LRRC8C: variants seen among roughly 807,000 people sequenced by gnomAD.
LRRC8C encodes leucine rich repeat containing 8 VRAC subunit C.
In LRRC8C, 20 loss-of-function variants were observed where a neutral mutation model predicts 55.3. That is an observed-to-expected ratio of 0.36 (90% CI 0.25 to 0.53). The LOEUF (loss-of-function observed/expected upper bound fraction) is 0.53. LRRC8C is among the 20% of genes least tolerant of loss of function. The probability of loss-of-function intolerance (pLI) is 0.92; values close to 1 mark genes in which losing one functional copy is unlikely to be tolerated. For missense variants in LRRC8C, 659 were observed against 951.4 expected, an observed-to-expected ratio of 0.69 and a Z score of 4.04; for synonymous variants, 376 against 360.7, an observed-to-expected ratio of 1.04 and a Z score of -0.48.
intron 1 of LRRC8C, among the ~76,000 whole-genome samples, chr1:89,677,370 A>T (rs985451207): frequency 3.9e-5 from 6 of 152,236 alleles, no homozygotes; most frequent in Admixed American, 3.9e-4. Context: ...CTATCATTTT[A>T]TGATGCTATG....
At chr1:89,637,196 C>T (rs565441087) in intron 1 of LRRC8C, among the ~76,000 whole-genome samples, 24 of 152,002 alleles carry the variant, frequency 1.6e-4, no homozygotes, top group Non-Finnish European at 3.2e-4. Context: ...ATAGTAACCT[C>T]ATTAGGTTGC....
chr1:89,658,852 G>A (rs935906460), intron 1 of LRRC8C, among the ~76,000 whole-genome samples: 2 of 152,110 alleles, frequency 1.3e-5, no homozygotes, highest in African/African-American at 2.4e-5. Flanking sequence ...GTTTATAAGC[G>A]CCTGACCAAG....
intron 2 of LRRC8C, among the ~76,000 whole-genome samples, chr1:89,708,194 C>T (rs562270714): frequency 6.6e-6 from 1 of 151,878 alleles, no homozygotes; most frequent in African/African-American, 2.4e-5. Context: ...TGAGAGTTGT[C>T]CTTGAAAGAA....
intron 1 of LRRC8C, among the ~76,000 whole-genome samples, chr1:89,646,031 A>G (rs1161371898): frequency 6.6e-6 from 1 of 151,864 alleles, no homozygotes; most frequent in Non-Finnish European, 1.5e-5. Flanking sequence ...AACTTTTAAT[A>G]TTAATCATCT....
At chr1:89,665,653 A>T (rs1046398783) in intron 1 of LRRC8C, among the ~76,000 whole-genome samples, 9 of 152,340 alleles carry the variant, frequency 5.9e-5, no homozygotes, top group African/African-American at 2.2e-4. Flanking sequence ...AAGTTTAAAA[A>T]GCAAAAAAGT....
intron 1 of LRRC8C, chr1:89,676,477 T>G (rs185083177): frequency 1.9e-3 from 294 of 152,356 alleles, no homozygotes; most frequent in African/African-American, 6.5e-3. Flanking sequence ...AGCTATTTGG[T>G]AATAGTCTCT....
In LRRC8C at chr1:89,714,234, A is replaced by G. The variant is rs1447411204; in HGVS notation, c.1664A>G (p.Lys555Arg). 1.2e-6 allele frequency: 2 copies of G among 1,613,994 alleles called. No individual in the cohort carries two copies. The highest frequency in any genetic ancestry group is 1.7e-6 in the Non-Finnish European group (2 of 1,180,018). The change falls in exon 3 of 3, where the codon AAA becomes AGA. Residue 555 changes from lysine to arginine, a missense_variant. Physicochemically the swap from Lys to Arg is conservative, Grantham distance 26. Coordinates refer to ENST00000370454, the MANE Select transcript of LRRC8C (RefSeq NM_032270.5). This position sits in a 1 kb window ranked among gnomAD's most constrained non-coding sequence, Gnocchi z 4.6. ...CTCTCTATCAAAAGCAACGTTTCCA[A>G]AATCCCTCAGGCAGTGGTTGATGTT... ...KILSIKSNVSKIPQAVVDVSS... is the reference protein window; with the variant it reads ...KILSIKSNVSRIPQAVVDVSS...
chr1:89,696,654 GGGA>G (rs1337960539), intron 2 of LRRC8C, among the ~76,000 whole-genome samples: 3 of 152,118 alleles, frequency 2.0e-5, no homozygotes, highest in African/African-American at 7.2e-5. Flanking sequence ...TAAGGAAAAA[GGGA>G]GACTTCCAAA....
chr1:89,692,353 T>A (rs920535058), intron 2 of LRRC8C, among the ~76,000 whole-genome samples: 4 of 152,322 alleles, frequency 2.6e-5, no homozygotes, highest in Middle Eastern at 3.4e-3. Flanking sequence ...AAAATAGTAA[T>A]CCAACAGCTT....
At chr1:89,705,509 T>C (rs886729263) in intron 2 of LRRC8C, among the ~76,000 whole-genome samples, 6 of 152,116 alleles carry the variant, frequency 3.9e-5, no homozygotes, top group Non-Finnish European at 7.3e-5. Context: ...CCGGGTGCAG[T>C]GGCTCATGCC....
At chr1:89,652,175 T>C (rs1478472917) in intron 1 of LRRC8C, among the ~76,000 whole-genome samples, 1 of 152,074 alleles carries the variant, frequency 6.6e-6, no homozygotes, top group Non-Finnish European at 1.5e-5. Context: ...AGATACACAA[T>C]GAAATATGAA....
At chr1:89,626,212 C>T in the LRRC8C span, 1 of 152,268 alleles carries the variant, frequency 6.6e-6, no homozygotes, top group East Asian at 1.9e-4. Context: ...CCTGACAATA[C>T]AAAACTTTTT....
At chr1:89,701,512 A>G (rs1396744496) in intron 2 of LRRC8C, among the ~76,000 whole-genome samples, 1 of 151,886 alleles carries the variant, frequency 6.6e-6, no homozygotes, top group Non-Finnish European at 1.5e-5. Context: ...GAAAAAGAAC[A>G]ATGGACTTTA....
intron 1 of LRRC8C, among the ~76,000 whole-genome samples, chr1:89,645,242 T>C (rs1656577516): frequency 6.6e-6 from 1 of 151,942 alleles, no homozygotes; most frequent in Admixed American, 6.6e-5. Flanking sequence ...AAAAATCCAC[T>C]GGATGAGCTT....
rs767000338 is a variant in LRRC8C at position 89,713,385 on chromosome 1, A to G, written c.815A>G (p.Lys272Arg). The change falls in exon 3 of 3, where the codon AAA becomes AGA. Residue 272 changes from lysine to arginine, a missense_variant. By Grantham distance (26) the Lys-to-Arg change is conservative. Transcript: ENST00000370454. This position sits in a 1 kb window ranked among gnomAD's most constrained non-coding sequence, Gnocchi z 5.2. Reference sequence around the variant, plus strand: ...CGCCAGACTGTACTTAAAGTTATCAAATTCCTAATCATCATTGCATATAAT... The same window carrying G: ...CGCCAGACTGTACTTAAAGTTATCAGATTCCTAATCATCATTGCATATAAT... ...YVRQTVLKVI[K>R]FLIIIAYNSA... The G allele has an allele frequency of 6.2e-7, 1 of 1,614,240 alleles. No individual in the cohort carries two copies. Among genetic ancestry groups the G allele is most frequent in the Non-Finnish European group, 8.5e-7 (1 of 1,180,040 alleles).
At chr1:89,633,803 G>A (rs1412247869) in intron 1 of LRRC8C, among the ~76,000 whole-genome samples, 1 of 152,210 alleles carries the variant, frequency 6.6e-6, no homozygotes, top group Non-Finnish European at 1.5e-5. Flanking sequence ...GAATTGGAAG[G>A]TTTCTCGAAG....
intron 1 of LRRC8C, among the ~76,000 whole-genome samples, chr1:89,677,451 A>G (rs1234764431): frequency 6.6e-6 from 1 of 152,246 alleles, no homozygotes; most frequent in Non-Finnish European, 1.5e-5. Context: ...ATTGTCAAAT[A>G]AGAAACATGA....
intron 2 of LRRC8C, among the ~76,000 whole-genome samples, chr1:89,700,261 C>A (rs2101324754): frequency 6.6e-6 from 1 of 152,292 alleles, no homozygotes; most frequent in East Asian, 1.9e-4. Context: ...AAGTGAAGTT[C>A]CTTCTACTCC....
rs1658857018 is a variant in LRRC8C, at chr1:89,717,347, T to A, written c.*2365T>A. 1 of 152,170 alleles carries A rather than the reference T, an allele frequency of 6.6e-6. No individual in the cohort carries two copies. The highest frequency in any genetic ancestry group is 1.5e-5 in the Non-Finnish European group (1 of 68,020). 9.4% of individuals were successfully genotyped at this position (152,170 alleles called of 1,614,324 possible). A position where few individuals can be genotyped will look rare whatever the true frequency, so the allele number is the denominator to read the frequency against. ...AATCACGCTTATGCTGAAGTCTTTA[T>A]CTGGTGTTAACTAAAAATCTCATAT... On this transcript the variant is annotated 3_prime_UTR_variant, in exon 3 of 3. Coordinates refer to ENST00000370454, the MANE Select transcript of LRRC8C (RefSeq NM_032270.5).
Sources: allele counts gnomAD v4.1 joint callset (sites outside exome capture counted in the v4.1 genomes callset), GRCh38; gene constraint gnomAD v4.1.1; non-coding constraint Gnocchi (gnomAD v3.1); transcripts MANE v1.5; gene names NCBI Gene and HGNC (gene_info 2026-07-23, HGNC 2026-07-21).